Variants in ITPR1 observed in about 807,000 individuals in gnomAD.
The protein encoded by ITPR1 is inositol 1,4,5-trisphosphate receptor type 1, also known as inositol 1,4,5-trisphosphate-gated calcium channel ITPR1.
Under a neutral mutation model 318.4 loss-of-function variants are expected in ITPR1, and 96 were observed. The ratio of observed to expected loss-of-function variants is 0.30; its 90% CI spans 0.26 to 0.36. The LOEUF is 0.36. ITPR1 is among the 10% of genes least tolerant of loss of function. ITPR1 has a pLI of 1.00. For synonymous variants in ITPR1, 1,312 were observed against 1,289.9 expected, an observed-to-expected ratio of 1.02 and a Z score of -0.37; for missense variants, 2,440 against 3,460.2, an observed-to-expected ratio of 0.71 and a Z score of 7.40.
intron 47 of ITPR1, among the ~76,000 whole-genome samples, chr3:4,776,212 G>C (rs368256970): frequency 2.4e-4 from 37 of 152,294 alleles, no homozygotes; most frequent in African/African-American, 8.7e-4. Context: ...TGGGACTACA[G>C]GTGCATGCCA....
chr3:4,590,962 G>C (rs2090351326), intron 4 of ITPR1, among the ~76,000 whole-genome samples: 1 of 152,102 alleles, frequency 6.6e-6, no homozygotes, highest in African/African-American at 2.4e-5. Flanking sequence ...CCACTTATAA[G>C]TGAGAACATG....
chr3:4,594,444 A>G (rs1341253692), intron 4 of ITPR1, among the ~76,000 whole-genome samples: 4 of 152,160 alleles, frequency 2.6e-5, no homozygotes, highest in Non-Finnish European at 4.4e-5. Flanking sequence ...AACCCAAGAT[A>G]AAGATTCGTT....
intron 24 of ITPR1, among the ~76,000 whole-genome samples, chr3:4,679,804 C>T (rs151114463): frequency 4.6e-5 from 7 of 152,302 alleles, no homozygotes; most frequent in African/African-American, 1.7e-4. Flanking sequence ...GGATGTCCAA[C>T]AGTCTGTAGG....
chr3:4,687,792 AT>A (rs1165623655), intron 30 of ITPR1, among the ~76,000 whole-genome samples: 1 of 152,216 alleles, frequency 6.6e-6, no homozygotes, highest in Non-Finnish European at 1.5e-5. Flanking sequence ...GGAGGGTATT[AT>A]CCCCATTTTG....
intron 60 of ITPR1, chr3:4,830,970 G>C (rs969874727): frequency 1.3e-5 from 6 of 456,460 alleles, no homozygotes; most frequent in African/African-American, 1.2e-4. Context: ...CTCTGAGGAG[G>C]TGATTGATTA....
At chr3:4,554,875 A>G (rs2125006045) in intron 4 of ITPR1, among the ~76,000 whole-genome samples, 1 of 152,328 alleles carries the variant, frequency 6.6e-6, no homozygotes, top group South Asian at 2.1e-4. Flanking sequence ...TGGGGAAAAA[A>G]GCAAAAATGG....
At chr3:4,573,392 C>T (rs987553635) in intron 4 of ITPR1, among the ~76,000 whole-genome samples, 3 of 152,144 alleles carry the variant, frequency 2.0e-5, no homozygotes, top group Admixed American at 2.0e-4. Context: ...TGGCTCTTGT[C>T]TGGACTATGA....
chr3:4,672,869 C>T (rs146877317), intron 20 of ITPR1, among the ~76,000 whole-genome samples: 12 of 152,284 alleles, frequency 7.9e-5, no homozygotes, highest in African/African-American at 2.2e-4. Flanking sequence ...GGAATTAGGT[C>T]GTCACATAAT....
chr3:4,569,961 G>C (rs1461766626), intron 4 of ITPR1, among the ~76,000 whole-genome samples: 1 of 152,130 alleles, frequency 6.6e-6, no homozygotes, highest in East Asian at 1.9e-4. Context: ...TTAAATTGTT[G>C]GTTGGTGGAG....
At chr3:4,549,071 G>C (rs1215067876) in intron 4 of ITPR1, among the ~76,000 whole-genome samples, 1 of 152,148 alleles carries the variant, frequency 6.6e-6, no homozygotes, top group African/African-American at 2.4e-5. Flanking sequence ...TAGCAGGAAA[G>C]AACTTAAGCC....
chr3:4,616,956 C>A (rs1190780971), intron 4 of ITPR1, among the ~76,000 whole-genome samples: 1 of 151,764 alleles, frequency 6.6e-6, no homozygotes, highest in Non-Finnish European at 1.5e-5. Flanking sequence ...AGTGAAGAGT[C>A]GGTGTGCCTT....
At chr3:4,840,366 TTG>T (rs1402597171) in intron 61 of ITPR1, among the ~76,000 whole-genome samples, 1 of 152,176 alleles carries the variant, frequency 6.6e-6, no homozygotes, top group Non-Finnish European at 1.5e-5. Context: ...CCAAGAAATC[TTG>T]TGATATTTTT....
At chr3:4,766,750 A>G (rs1234487896) in intron 45 of ITPR1, 40 bp downstream of exon 45, 2 of 1,463,484 alleles carry the variant, frequency 1.4e-6, no homozygotes, top group Non-Finnish European at 1.9e-6. Flanking sequence ...GATCATGAAC[A>G]CCAGAAGAGT....
At chr3:4,702,655 T>C (rs1193450967) in intron 35 of ITPR1, among the ~76,000 whole-genome samples, 175 bp from the exon 36 acceptor site, 1 of 152,222 alleles carries the variant, frequency 6.6e-6, no homozygotes, top group Non-Finnish European at 1.5e-5. Context: ...TTATGGAATT[T>C]AGCTCTTATC....
chr3:4,711,440 A>C (rs1053796736), intron 38 of ITPR1: 1 of 230,218 alleles, frequency 4.3e-6, no homozygotes, highest in African/African-American at 2.3e-5. Context: ...TCAGTGGATA[A>C]ATAGCCACGC....
At chr3:4,729,479 G>A (rs1458015833) in intron 42 of ITPR1, among the ~76,000 whole-genome samples, 1 of 152,214 alleles carries the variant, frequency 6.6e-6, no homozygotes, top group African/African-American at 2.4e-5. Context: ...CACATGAGAG[G>A]GTGATCTTGC....
intron 4 of ITPR1, among the ~76,000 whole-genome samples, chr3:4,547,877 G>T (rs2085178059): frequency 6.6e-6 from 1 of 152,084 alleles, no homozygotes; most frequent in Non-Finnish European, 1.5e-5. Flanking sequence ...GGAGGCCTTT[G>T]AGTATCATTC....
At chr3:4,584,018 C>T (rs1271690902) in intron 4 of ITPR1, among the ~76,000 whole-genome samples, 1 of 152,098 alleles carries the variant, frequency 6.6e-6, no homozygotes, top group Admixed American at 6.5e-5. Flanking sequence ...TTGCCTTTTC[C>T]CCAATTATCC....
At chr3:4,625,717 C>T (rs954365378) in intron 4 of ITPR1, among the ~76,000 whole-genome samples, 75 of 152,106 alleles carry the variant, frequency 4.9e-4, no homozygotes, top group African/African-American at 1.4e-3. Flanking sequence ...CCACCACGCC[C>T]GGCTAATTTT....
Sources: allele counts gnomAD v4.1 joint callset (sites outside exome capture counted in the v4.1 genomes callset), GRCh38; gene constraint gnomAD v4.1.1; transcripts MANE v1.5; gene names NCBI Gene and HGNC (gene_info 2026-07-23, HGNC 2026-07-21).